Variants in DOCK5 observed in about 807,000 individuals in gnomAD.
DOCK5 encodes the protein dedicator of cytokinesis 5.
In DOCK5, 142 loss-of-function variants were observed where a neutral mutation model predicts 251.8. The observed-to-expected ratio is 0.56, with a 90% confidence interval of 0.49 to 0.65. The LOEUF is 0.65. Among genes scored for constraint, DOCK5 ranks in the 30% least tolerant of loss-of-function variants. The pLI, the probability that DOCK5 is intolerant of heterozygous loss-of-function variation, is 0.00. For synonymous variants in DOCK5, 842 were observed against 835.5 expected, an observed-to-expected ratio of 1.01 and a Z score of -0.13; for missense variants, 2,111 against 2,312.3, an observed-to-expected ratio of 0.91 and a Z score of 1.79.
At chr8:25,187,317 ATGTG>A (rs562569023) in intron 1 of DOCK5, among the ~76,000 whole-genome samples, 1 of 145,820 alleles carries the variant, frequency 6.9e-6, no homozygotes, top group African/African-American at 2.7e-5. Flanking sequence ...ATATGCGTAT[ATGTG>A]TGTGTGTGTA....
rs138547483 is a variant in DOCK5, at chr8:25,394,784, T to G, written c.4528-759T>G. On this transcript the variant is annotated intron_variant, in intron 44 of 51. Coordinates refer to ENST00000276440, the MANE Select transcript of DOCK5 (RefSeq NM_024940.8). Reference sequence around the variant, plus strand: ...TACCATAGCTCCAATGTTTAAGTCATCATTCTACTTTGTAAGGAGATTTTA... The same window carrying G: ...TACCATAGCTCCAATGTTTAAGTCAGCATTCTACTTTGTAAGGAGATTTTA... 2.3e-3 allele frequency among the ~76,000 whole-genome samples: 352 copies of G among 152,330 alleles called. 2 individuals carry two copies. The highest frequency in any genetic ancestry group is 4.1e-3 in the Non-Finnish European group (277 of 68,026).
chr8:25,351,812 C>A lies in DOCK5; in HGVS notation c.2836C>A (p.Gln946Lys). ...CCGGACAGTGATTGGGATGAACCGG[C>A]AGTCTCCCCACATCGTGAGTATCTC... ...INRTVIGMNR[Q>K]SPHIGSFVAC... The change falls in exon 27 of 52, where the codon CAG (glutamine) becomes AAG (lysine). Residue 946 changes from glutamine (Q) to lysine (K), a missense_variant. Coordinates refer to ENST00000276440, the MANE Select transcript of DOCK5 (RefSeq NM_024940.8). 1 of 1,613,712 alleles carries A rather than the reference C, an allele frequency of 6.2e-7. No homozygotes were observed. Among genetic ancestry groups the A allele is most frequent in the South Asian group, 1.1e-5 (1 of 91,008 alleles).
intron 13 of DOCK5, among the ~76,000 whole-genome samples, 166 bp downstream of exon 13, chr8:25,310,698 T>A (rs1407170264): frequency 6.6e-6 from 1 of 152,190 alleles, no homozygotes; most frequent in Admixed American, 6.5e-5. Context: ...AACACTTAGG[T>A]GCTTCCTAAT....
At chr8:25,313,297 C>T (rs772407621) in intron 13 of DOCK5, among the ~76,000 whole-genome samples, 2 of 152,200 alleles carry the variant, frequency 1.3e-5, no homozygotes, top group Non-Finnish European at 2.9e-5. Flanking sequence ...CCCACTCCAG[C>T]CTCTCAAGAG....
At position 25,187,631 on chromosome 8, in the gene DOCK5, C is replaced by T. The variant is rs74765928; in HGVS notation, c.43+2680C>T. 1.7e-4 allele frequency among the ~76,000 whole-genome samples: 26 copies of T among 152,052 alleles called. No individual in the cohort carries two copies. The East Asian group carries it at 4.3e-3, about 25-fold the overall frequency. ...GTCACCTCCCTGCTTGGAAGTCTCT[C>T]GTGGTCAACAGGATAAAGTCTGAGC... On this transcript the variant is annotated intron_variant, in intron 1 of 51. Coordinates refer to ENST00000276440, the MANE Select transcript of DOCK5 (RefSeq NM_024940.8).
intron 12 of DOCK5, among the ~76,000 whole-genome samples, chr8:25,309,561 A>G (rs1805036772): frequency 6.6e-6 from 1 of 152,234 alleles, no homozygotes; most frequent in Non-Finnish European, 1.5e-5. Context: ...AGTTTATCCC[A>G]TCACATTTTT....
At chr8:25,291,987 C>T (rs1455111570) in intron 5 of DOCK5, 37 bp from the exon 6 acceptor site, 2 of 1,502,052 alleles carry the variant, frequency 1.3e-6, no homozygotes, top group South Asian at 2.6e-5. Flanking sequence ...ACACCTTTTT[C>T]TAAGAATCTT....
chr8:25,237,390 T>A (rs901505541), intron 1 of DOCK5, among the ~76,000 whole-genome samples: 18 of 152,050 alleles, frequency 1.2e-4, no homozygotes, highest in African/African-American at 4.3e-4. Context: ...AAAATAAACA[T>A]AAAAAAAGAA....
intron 16 of DOCK5, among the ~76,000 whole-genome samples, chr8:25,323,572 G>A (rs564326858): frequency 1.2e-4 from 19 of 152,256 alleles, no homozygotes; most frequent in African/African-American, 3.1e-4. Flanking sequence ...TGGAGTTGAC[G>A]TGGGGTGGAG....
At chr8:25,342,911 T>C (rs1800268565) in intron 25 of DOCK5, among the ~76,000 whole-genome samples, 1 of 151,740 alleles carries the variant, frequency 6.6e-6, no homozygotes, top group East Asian at 2.0e-4. Flanking sequence ...TTCACCACGT[T>C]AGCCAGGATG....
intron 2 of DOCK5, 60 bp from the exon 3 acceptor site, chr8:25,268,785 A>G (rs368499935): frequency 2.6e-5 from 37 of 1,434,366 alleles, no homozygotes; most frequent in Non-Finnish European, 3.2e-5. Context: ...ATATATTGCT[A>G]ATAACTTTAT....
intron 34 of DOCK5, 109 bp downstream of exon 34, chr8:25,369,750 G>A: frequency 1.2e-6 from 1 of 833,266 alleles, no homozygotes; most frequent in Non-Finnish European, 1.9e-6. Flanking sequence ...AGAGTCACTA[G>A]GGCCACCCCC....
chr8:25,338,173 C>G (rs1233958457), intron 22 of DOCK5, among the ~76,000 whole-genome samples: 1 of 151,762 alleles, frequency 6.6e-6, no homozygotes, highest in East Asian at 2.0e-4. Context: ...CCCCAAGTAG[C>G]TGGGACCAAA....
chr8:25,315,156 C>T lies in DOCK5; in HGVS notation c.1319-1851C>T, dbSNP rs183070362. On this transcript the variant is annotated intron_variant, in intron 13 of 51. Transcript: ENST00000276440. Reference sequence around the variant, plus strand: ...ATATTAAAATTCTTAATTTGCCCACCGGCCTCAGGGGGATCTGACTTATAT... The same window carrying T: ...ATATTAAAATTCTTAATTTGCCCACTGGCCTCAGGGGGATCTGACTTATAT... Among the ~76,000 whole-genome samples, 47 of 29,992 alleles carry T rather than the reference C, an allele frequency of 1.6e-3. 1 individual carries two copies. The highest frequency in any genetic ancestry group is 0.031 in the Middle Eastern group (1 of 32). 19.7% of individuals were successfully genotyped at this position (29,992 alleles called of 152,430 possible).
chr8:25,342,451 G>C lies in DOCK5; in HGVS notation c.2561G>C (p.Arg854Pro), dbSNP rs779896727. The change falls in exon 25 of 52, where the codon CGG becomes CCG. Residue 854 changes from arginine to proline, a missense_variant. This residue lies in a region of DOCK5 where 1,717 missense variants were observed against 1,892.4 expected (regional missense o/e 0.91). Coordinates refer to ENST00000276440, the MANE Select transcript of DOCK5 (RefSeq NM_024940.8). ...IQSIPDNQLV[R>P]QKLNCMTKIV... ...AGCATTCCTGACAACCAGCTGGTTC[G>C]GCAGAAACTTAACTGCATGACCAAG... The C allele has an allele frequency of 6.2e-7, 1 of 1,601,472 alleles. No individual in the cohort carries two copies. The highest frequency in any genetic ancestry group is 8.5e-7 in the Non-Finnish European group (1 of 1,173,160).
chr8:25,344,491 C>G (rs1465892966), intron 25 of DOCK5, among the ~76,000 whole-genome samples: 1 of 152,164 alleles, frequency 6.6e-6, no homozygotes, highest in South Asian at 2.1e-4. Flanking sequence ...GCCTTCCTGG[C>G]TTTGCCCCTG....
At chr8:25,355,550 A>G (rs960741484) in intron 27 of DOCK5, among the ~76,000 whole-genome samples, 14 of 152,130 alleles carry the variant, frequency 9.2e-5, no homozygotes, top group African/African-American at 2.7e-4. Flanking sequence ...CCCAGGTTCA[A>G]GTGATTGTCC....
At position 25,384,546 on chromosome 8, in the gene DOCK5, G is replaced by A. The variant is rs1227273409; in HGVS notation, c.4131+1768G>A. On this transcript the variant is annotated intron_variant, in intron 40 of 51. Transcript: ENST00000276440. ...GGAATCTCGGCTCACTGCAACCTCC[G>A]TCTTCTGGGTTGAAGCGATTCTCGT... is the stretch of plus-strand genomic sequence containing the variant. Among the ~76,000 whole-genome samples the A allele has an allele frequency of 4.7e-5, 7 of 149,096 alleles. No homozygotes were observed. In the East Asian group the frequency reaches 1.4e-3, roughly 30 times the overall value.
At chr8:25,253,089 G>GAGGCCATAC (rs1803315682) in intron 2 of DOCK5, among the ~76,000 whole-genome samples, 1 of 152,142 alleles carries the variant, frequency 6.6e-6, no homozygotes, top group African/African-American at 2.4e-5. Context: ...CTCCCAAAGT[G>GAGGCCATAC]CTGGGATTGC....
Sources: gnomAD v4.1 joint callset for allele counts (sites outside exome capture counted in the v4.1 genomes callset) on GRCh38, gnomAD v4.1.1 for gene constraint, gnomAD v4.1.1 regional missense constraint, MANE v1.5 for transcripts, NCBI Gene and HGNC (gene_info 2026-07-23, HGNC 2026-07-21) for gene names.